MPDZ: variants seen among roughly 807,000 people sequenced by gnomAD.
MPDZ encodes multiple PDZ domain crumbs cell polarity complex component.
A neutral mutation model predicts 239.1 loss-of-function variants in MPDZ; 234 were observed. The observed-to-expected ratio is 0.98, with a 90% confidence interval of 0.88 to 1.09. The LOEUF (loss-of-function observed/expected upper bound fraction) is 1.09. MPDZ is among the 50% of genes least tolerant of loss of function. The probability of loss-of-function intolerance (pLI) is 0.00; values close to 1 mark genes in which losing one functional copy is unlikely to be tolerated. For missense variants in MPDZ, 3,175 were observed against 2,510.0 expected (o/e 1.26, Z -5.66); for synonymous variants, 1,048 against 881.3 (o/e 1.19, Z -3.35).
intron 32 of MPDZ, among the ~76,000 whole-genome samples, chr9:13,130,817 C>T (rs975352089): frequency 2.0e-5 from 3 of 152,184 alleles, no homozygotes; most frequent in Non-Finnish European, 4.4e-5. Context: ...TGATTCAAAT[C>T]AGTTTGACTG....
At chr9:13,173,335 A>C (rs1952028818) in intron 21 of MPDZ, among the ~76,000 whole-genome samples, 1 of 152,198 alleles carries the variant, frequency 6.6e-6, no homozygotes, top group African/African-American at 2.4e-5. Flanking sequence ...AGAATAAATA[A>C]GAAAATCCAT....
intron 10 of MPDZ, among the ~76,000 whole-genome samples, chr9:13,209,614 G>T (rs1488407896): frequency 2.0e-5 from 3 of 152,194 alleles, no homozygotes; most frequent in Non-Finnish European, 4.4e-5. Flanking sequence ...GCACACTGAA[G>T]ATCGGTGCAT....
intron 1 of MPDZ, among the ~76,000 whole-genome samples, chr9:13,255,869 A>G (rs1969311333): frequency 6.6e-6 from 1 of 152,228 alleles, no homozygotes; most frequent in South Asian, 2.1e-4. Context: ...ATTTGACATC[A>G]CCATCTGCAT....
In MPDZ at chr9:13,198,733, C is replaced by CTGTGTGTGTGTGTG. The variant is rs746268904; in HGVS notation, c.1547-2504_1547-2503insCACACACACACACA. On this transcript the variant is annotated intron_variant, in intron 12 of 46. Transcript: ENST00000319217. Reference sequence around the variant, plus strand: ...TCTTATATTTAGGTCTTTAATCTCTCTCTCTGTGTGTGTGTGTGTGTGTGT... The same window carrying CTGTGTGTGTGTGTG: ...TCTTATATTTAGGTCTTTAATCTCTCTGTGTGTGTGTGTGTCTCTGTGTGTGTGTGTGTGTGTGT... Among the ~76,000 whole-genome samples the CTGTGTGTGTGTGTG allele has an allele frequency of 3.1e-3, 277 of 89,464 alleles. 4 individuals are homozygous for CTGTGTGTGTGTGTG. Among genetic ancestry groups the CTGTGTGTGTGTGTG allele is most frequent in the African/African-American group, 7.0e-3 (247 of 35,328 alleles). 58.7% of individuals were successfully genotyped at this position (89,464 alleles called of 152,430 possible).
intron 1 of MPDZ, among the ~76,000 whole-genome samples, chr9:13,266,799 G>A (rs1386108573): frequency 2.6e-5 from 4 of 152,140 alleles, no homozygotes; most frequent in African/African-American, 9.7e-5. Flanking sequence ...TCATGCAAAA[G>A]TAATCTCATT....
chr9:13,153,623 C>A (rs1949474097), intron 24 of MPDZ, among the ~76,000 whole-genome samples: 2 of 152,040 alleles, frequency 1.3e-5, no homozygotes, highest in Non-Finnish European at 2.9e-5. Context: ...TAGGCATGAG[C>A]CACCACAACT....
At chr9:13,193,699 T>C (rs1343930128) in intron 13 of MPDZ, among the ~76,000 whole-genome samples, 1 of 152,146 alleles carries the variant, frequency 6.6e-6, no homozygotes, top group Non-Finnish European at 1.5e-5. Context: ...ATTCCTGGGT[T>C]TATGCTGTAA....
chr9:13,248,689 G>A (rs1303554203), intron 2 of MPDZ, among the ~76,000 whole-genome samples: 2 of 151,558 alleles, frequency 1.3e-5, no homozygotes, highest in South Asian at 2.1e-4. Flanking sequence ...GGGAATCAGT[G>A]GGGCGCGGTG....
intron 25 of MPDZ, among the ~76,000 whole-genome samples, 184 bp downstream of exon 25, chr9:13,150,327 T>C (rs1235467442): frequency 6.6e-6 from 1 of 152,074 alleles, no homozygotes; most frequent in Non-Finnish European, 1.5e-5. Context: ...ACACACATTT[T>C]ACTCGAATGC....
chr9:13,254,289 T>C (rs1455517321), intron 1 of MPDZ, among the ~76,000 whole-genome samples: 1 of 152,220 alleles, frequency 6.6e-6, no homozygotes, highest in Non-Finnish European at 1.5e-5. Flanking sequence ...ATATTCGCCA[T>C]TTATGTAATG....
Position 13,126,548 on chromosome 9 carries a change from C to T in MPDZ, c.4600G>A (p.Asp1534Asn), listed in dbSNP as rs753045879. 1.3e-6 allele frequency: 2 copies of T among 1,579,158 alleles called. No individual in the cohort carries two copies. Among genetic ancestry groups the T allele is most frequent in the Non-Finnish European group, 1.7e-6 (2 of 1,161,118 alleles). Residue 1534 changes from aspartate (D) to asparagine (N), a missense_variant, in exon 34 of 47, where the codon GAT becomes AAT. Physicochemically the swap from Asp to Asn is conservative, Grantham distance 23. Transcript: ENST00000319217. Reference sequence around the variant, plus strand: ...ATAGGGTAACCAACAACAATTTCATCATCTACAGCCAGTATCTGATCTCCG... The same window carrying T: ...ATAGGGTAACCAACAACAATTTCATTATCTACAGCCAGTATCTGATCTCCG... The part of the protein sequence containing the change: ...KVGDQILAVD[D>N]EIVVGYPIEK...
chr9:13,250,028 G>C (rs1967511718), intron 2 of MPDZ, among the ~76,000 whole-genome samples: 1 of 151,990 alleles, frequency 6.6e-6, no homozygotes, highest in South Asian at 2.1e-4. Context: ...ATCAGAATTG[G>C]GCTTACATTA....
intron 19 of MPDZ, among the ~76,000 whole-genome samples, chr9:13,176,909 A>G (rs1952576859): frequency 6.6e-6 from 1 of 152,170 alleles, no homozygotes; most frequent in East Asian, 1.9e-4. Context: ...AGGCATTTAT[A>G]AGTATTTATG....
intron 22 of MPDZ, among the ~76,000 whole-genome samples, chr9:13,164,765 A>G (rs1950869406): frequency 6.6e-6 from 1 of 152,114 alleles, no homozygotes; most frequent in Non-Finnish European, 1.5e-5. Flanking sequence ...AGTTTTCCTA[A>G]CTATTTAGCC....
intron 5 of MPDZ, 91 bp from the exon 6 acceptor site, chr9:13,222,537 A>G: frequency 9.7e-7 from 1 of 1,033,558 alleles, no homozygotes; most frequent in Admixed American, 2.0e-5. Flanking sequence ...GTCATTTTTA[A>G]TCCTATTTTT....
chr9:13,184,224 A>T (rs963226425), intron 18 of MPDZ, among the ~76,000 whole-genome samples: 4 of 152,144 alleles, frequency 2.6e-5, no homozygotes, highest in East Asian at 1.9e-4. Flanking sequence ...TTCACTACAT[A>T]TTCTCTAATA....
chr9:13,240,026 T>C lies in MPDZ; in HGVS notation c.183+7609A>G, dbSNP rs555079504. Among the ~76,000 whole-genome samples the C allele has an allele frequency of 1.4e-4, 21 of 152,206 alleles. No individual in the cohort carries two copies. The South Asian group carries it at 3.9e-3, about 29-fold the overall frequency. On this transcript the variant is annotated intron_variant, in intron 3 of 46. Coordinates refer to ENST00000319217, the MANE Select transcript of MPDZ (RefSeq NM_001378778.1). ...AGGTATGCTGAAATTTTCTACATCA[T>C]AGTGGGGAAGGTATCAAAATTAAGT... is the stretch of plus-strand genomic sequence containing the variant.
At chr9:13,126,478 G>A (rs1327724620) in intron 34 of MPDZ, 38 bp downstream of exon 34, 4 of 1,377,418 alleles carry the variant, frequency 2.9e-6, no homozygotes, top group East Asian at 5.0e-5. Flanking sequence ...GCCCAAGGAT[G>A]GGCCTACATT....
At chr9:13,213,968 A>C (rs547389152) in intron 10 of MPDZ, among the ~76,000 whole-genome samples, 2 of 152,170 alleles carry the variant, frequency 1.3e-5, no homozygotes, top group African/African-American at 4.8e-5. Context: ...ACACAAGAGA[A>C]GTTTCCTTAT....
Sources: allele counts gnomAD v4.1 joint callset (sites outside exome capture counted in the v4.1 genomes callset), GRCh38; gene constraint gnomAD v4.1.1; transcripts MANE v1.5; gene names NCBI Gene and HGNC (gene_info 2026-07-23, HGNC 2026-07-21).